Variants in PDE1A observed in about 807,000 individuals in gnomAD.
PDE1A encodes phosphodiesterase 1A, also known as dual specificity calcium/calmodulin-dependent 3',5'-cyclic nucleotide phosphodiesterase 1A.
A neutral mutation model predicts 61.7 loss-of-function variants in PDE1A; 35 were observed. That is an observed-to-expected ratio of 0.57 (90% CI 0.43 to 0.75). The LOEUF is 0.75. PDE1A is among the 30% of genes least tolerant of loss of function. The pLI is 0.00. For synonymous variants in PDE1A, 232 were observed against 213.2 expected, an observed-to-expected ratio of 1.09 and a Z score of -0.77; for missense variants, 597 against 630.6, an observed-to-expected ratio of 0.95 and a Z score of 0.57.
At chr2:182,488,700 T>C (rs903601559) in intron 2 of PDE1A, among the ~76,000 whole-genome samples, 2 of 152,226 alleles carry the variant, frequency 1.3e-5, no homozygotes, top group Admixed American at 1.3e-4. Flanking sequence ...AAATATTCTA[T>C]TGTAATTTGC....
At chr2:182,698,281 T>A in the PDE1A span, among the ~76,000 whole-genome samples, 2 of 152,080 alleles carry the variant, frequency 1.3e-5, no homozygotes, top group Admixed American at 6.6e-5. Context: ...CTAAAAAAAA[T>A]CCTGCAGGAA....
intron 13 of PDE1A, among the ~76,000 whole-genome samples, chr2:182,181,789 G>C (rs374426851): frequency 1.3e-5 from 2 of 152,178 alleles, no homozygotes; most frequent in East Asian, 1.9e-4. Flanking sequence ...GAGGAATCTA[G>C]AGAAGCAGTC....
chr2:182,493,257 T>C (rs140928055), intron 2 of PDE1A, among the ~76,000 whole-genome samples: 41 of 147,738 alleles, frequency 2.8e-4, no homozygotes, highest in African/African-American at 9.8e-4. Flanking sequence ...GGAGAGACAG[T>C]GTCTTACTAT....
chr2:182,411,119 C>A (rs558728735), intron 1 of PDE1A, among the ~76,000 whole-genome samples: 2 of 152,182 alleles, frequency 1.3e-5, no homozygotes, highest in South Asian at 2.1e-4. Flanking sequence ...CCCTAGAAGA[C>A]CCTTTCATGT....
chr2:182,140,953 TC>T (rs1439993072), exon 15 of PDE1A: 67 of 150,044 alleles, frequency 4.5e-4, no homozygotes, highest in African/African-American at 1.6e-3. Context: ...AACTTTTTTT[TC>T]TTTTTTTTTT....
At chr2:182,236,373 C>A in intron 3 of PDE1A, among the ~76,000 whole-genome samples, 1 of 146,046 alleles carries the variant, frequency 6.8e-6, no homozygotes, top group African/African-American at 2.5e-5. Context: ...ACAGTCTTTT[C>A]CATCTGTTTC....
Position 182,231,143 on chromosome 2 carries a change from AG to A in PDE1A, c.418-13del. ...CATTTATCAACATCCTGTAGAAAAA[AG>A]AATAAATACTTTAGGTGCCAATATC... On this transcript the variant is annotated splice_polypyrimidine_tract_variant and intron_variant, in intron 4 of 13. Coordinates refer to ENST00000351439, the Ensembl canonical transcript of PDE1A. 1 of 1,356,506 alleles carries A rather than the reference AG, an allele frequency of 7.4e-7. No homozygotes were observed. Among genetic ancestry groups the A allele is most frequent in the Non-Finnish European group, 1.1e-6 (1 of 951,730 alleles). 84.0% of individuals were successfully genotyped at this position (1,356,506 alleles called of 1,614,324 possible).
At chr2:182,416,774 G>A (rs138100649) in intron 1 of PDE1A, among the ~76,000 whole-genome samples, 376 of 152,236 alleles carry the variant, frequency 2.5e-3, no homozygotes, top group African/African-American at 8.4e-3. Flanking sequence ...ATATTAATAA[G>A]CATTATACAT....
At chr2:182,466,045 T>C (rs1686639529) in intron 2 of PDE1A, among the ~76,000 whole-genome samples, 1 of 152,072 alleles carries the variant, frequency 6.6e-6, no homozygotes, top group African/African-American at 2.4e-5. Context: ...CACTTTTGTG[T>C]GTGTGTGTGT....
At chr2:182,404,889 G>C (rs972359136) in intron 1 of PDE1A, among the ~76,000 whole-genome samples, 1 of 152,140 alleles carries the variant, frequency 6.6e-6, no homozygotes, top group Admixed American at 6.5e-5. Flanking sequence ...AATATAAGTA[G>C]AAGGAATACT....
chr2:182,252,323 AAAAC>A (rs968101056), intron 2 of PDE1A, among the ~76,000 whole-genome samples: 5 of 152,186 alleles, frequency 3.3e-5, no homozygotes, highest in African/African-American at 1.2e-4. Context: ...AATGTTTAAA[AAAAC>A]AATTTAAAAA....
the PDE1A span, among the ~76,000 whole-genome samples, chr2:182,640,146 T>A: frequency 2.0e-5 from 3 of 152,332 alleles, no homozygotes; most frequent in South Asian, 6.2e-4. Flanking sequence ...GAATTTTATA[T>A]CTTGCCAAGC....
chr2:182,339,254 C>A (rs1048962820), intron 1 of PDE1A, among the ~76,000 whole-genome samples: 5 of 152,044 alleles, frequency 3.3e-5, no homozygotes, highest in African/African-American at 1.2e-4. Flanking sequence ...ATTTGTATTT[C>A]TCAAAGGTGC....
rs145537498 is a variant in PDE1A at position 182,275,361 on chromosome 2, C to T, written c.54-10947G>A. On this transcript the variant is annotated intron_variant, in intron 1 of 13. Transcript: ENST00000351439. ...GACTTTATATGCCACTGGCCAGATC[C>T]AAGCACAAGTCAGCTGACAGGAACC... Among the ~76,000 whole-genome samples, 29 of 152,218 alleles carry T rather than the reference C, an allele frequency of 1.9e-4. 1 individual carries two copies. The East Asian group carries it at 5.6e-3, about 30-fold the overall frequency.
At chr2:182,637,283 T>C in the PDE1A span, among the ~76,000 whole-genome samples, 1 of 152,204 alleles carries the variant, frequency 6.6e-6, no homozygotes, top group Non-Finnish European at 1.5e-5. Flanking sequence ...ACTACTCCAT[T>C]GATTAGCTAA....
At chr2:182,229,074 T>A (rs1409541332) in intron 6 of PDE1A, among the ~76,000 whole-genome samples, 1 of 152,074 alleles carries the variant, frequency 6.6e-6, no homozygotes, top group Non-Finnish European at 1.5e-5. Context: ...GTGGATTTGA[T>A]TTTCTCTATT....
chr2:182,451,242 A>G (rs1025119216), intron 2 of PDE1A, among the ~76,000 whole-genome samples: 1 of 67,764 alleles, frequency 1.5e-5, no homozygotes. Flanking sequence ...AGCCGGGCGT[A>G]GTGGCGGGCG....
chr2:182,612,813 C>T, the PDE1A span, among the ~76,000 whole-genome samples: 92 of 152,242 alleles, frequency 6.0e-4, 1 homozygote, highest in South Asian at 0.016. Context: ...TGAACAGAAA[C>T]GAGATTATTT....
At chr2:182,442,515 C>T (rs1464009605) in intron 2 of PDE1A, among the ~76,000 whole-genome samples, 1 of 151,894 alleles carries the variant, frequency 6.6e-6, no homozygotes, top group African/African-American at 2.4e-5. Context: ...TTCATTTGTG[C>T]TATATATGTG....
Sources: allele counts gnomAD v4.1 joint callset (sites outside exome capture counted in the v4.1 genomes callset), GRCh38; gene constraint gnomAD v4.1.1; transcripts MANE v1.5; gene names NCBI Gene and HGNC (gene_info 2026-07-23, HGNC 2026-07-21).